ADAMTS17: variants seen among roughly 807,000 people sequenced by gnomAD.
ADAMTS17 encodes the protein ADAM metallopeptidase with thrombospondin type 1 motif 17, also known as A disintegrin and metalloproteinase with thrombospondin motifs 17.
Under a neutral mutation model 141.5 loss-of-function variants are expected in ADAMTS17, and 113 were observed. The ratio of observed to expected loss-of-function variants is 0.80; its 90% CI spans 0.69 to 0.93. The LOEUF (loss-of-function observed/expected upper bound fraction) is 0.93, where lower values mean the gene tolerates loss of function less well. Ranked by LOEUF, ADAMTS17 falls within the 40% of genes least tolerant of loss-of-function variation. ADAMTS17 has a pLI of 0.00. For missense variants in ADAMTS17, 1,659 were observed against 1,517.9 expected, an observed-to-expected ratio of 1.09 and a Z score of -1.54; for synonymous variants, 768 against 630.6, an observed-to-expected ratio of 1.22 and a Z score of -3.27.
chr15:100,137,548 G>A (rs1436793672), intron 10 of ADAMTS17, among the ~76,000 whole-genome samples: 1 of 152,154 alleles, frequency 6.6e-6, no homozygotes, highest in Non-Finnish European at 1.5e-5. Context: ...ACTGATGGAT[G>A]AACCTTCTGC....
At chr15:100,231,446 A>C (rs764367363) in intron 7 of ADAMTS17, among the ~76,000 whole-genome samples, 1 of 152,212 alleles carries the variant, frequency 6.6e-6, no homozygotes, top group Non-Finnish European at 1.5e-5. Context: ...GCCTTCCCAC[A>C]GGAACATCAG....
chr15:99,993,166 C>T lies in ADAMTS17; in HGVS notation c.2831G>A (p.Arg944Gln), dbSNP rs761468469. The T allele has an allele frequency of 6.2e-6, 10 of 1,614,094 alleles. No homozygotes were observed. Among genetic ancestry groups the T allele is most frequent in the African/African-American group, 4.0e-5 (3 of 74,950 alleles). ...TTGTGAGTTGGTGCACGCCACGGTC[C>T]GTTTCCACACCCCTTTACCACAGCT... The part of the protein sequence containing the change: ...SASCGKGVWK[R>Q]TVACTNSQGK... The change falls in exon 20 of 22, where the codon CGG becomes CAG. Residue 944 changes from arginine to glutamine, a missense_variant. Coordinates refer to ENST00000268070, the MANE Select transcript of ADAMTS17 (RefSeq NM_139057.4). This position sits in a 1 kb window ranked among gnomAD's most constrained non-coding sequence, Gnocchi z 4.3.
At chr15:100,199,568 G>A (rs2041244206) in intron 7 of ADAMTS17, 145 bp from the exon 8 acceptor site, 1 of 763,080 alleles carries the variant, frequency 1.3e-6, no homozygotes, top group South Asian at 1.4e-5. Context: ...ACCTGGGAAG[G>A]GTTTGTGTAT....
chr15:100,330,454 C>A (rs1472022869), intron 3 of ADAMTS17, among the ~76,000 whole-genome samples: 4 of 152,102 alleles, frequency 2.6e-5, no homozygotes, highest in Non-Finnish European at 5.9e-5. Context: ...GGCCCGGGGG[C>A]CACACTGTAA....
intron 8 of ADAMTS17, among the ~76,000 whole-genome samples, chr15:100,184,913 T>C (rs1020894603): frequency 2.0e-4 from 30 of 152,290 alleles, no homozygotes; most frequent in East Asian, 7.7e-4. Flanking sequence ...CCCGGCCCCA[T>C]GGCTTTTGTT....
intron 10 of ADAMTS17, among the ~76,000 whole-genome samples, chr15:100,146,041 C>A (rs570218265): frequency 6.6e-6 from 1 of 152,132 alleles, no homozygotes; most frequent in Non-Finnish European, 1.5e-5. Flanking sequence ...GGTGTGGTGG[C>A]GCATGCCTGT....
At chr15:99,976,978 C>T (rs117795582) in intron 20 of ADAMTS17, among the ~76,000 whole-genome samples, 29 of 152,082 alleles carry the variant, frequency 1.9e-4, no homozygotes, top group Non-Finnish European at 2.9e-4. Flanking sequence ...CAGGAAGGAC[C>T]GGGCCTGATG....
At chr15:100,248,945 C>T (rs1417218898) in intron 7 of ADAMTS17, among the ~76,000 whole-genome samples, 2 of 152,020 alleles carry the variant, frequency 1.3e-5, no homozygotes, top group African/African-American at 4.8e-5. Flanking sequence ...ATTACAGGTG[C>T]CCGCCACCAC....
intron 20 of ADAMTS17, among the ~76,000 whole-genome samples, chr15:99,988,709 C>T (rs1259132460): frequency 1.3e-5 from 2 of 152,116 alleles, no homozygotes; most frequent in African/African-American, 4.8e-5. Context: ...GAAGAGAGGA[C>T]GGCCAGGCAA....
intron 15 of ADAMTS17, among the ~76,000 whole-genome samples, chr15:100,073,182 T>C (rs1425073702): frequency 2.0e-5 from 3 of 152,164 alleles, no homozygotes; most frequent in African/African-American, 7.2e-5. Context: ...TCAGTGGCCA[T>C]CAGAGAAATG....
At chr15:100,136,341 G>A (rs1258212667) in intron 10 of ADAMTS17, among the ~76,000 whole-genome samples, 1 of 152,228 alleles carries the variant, frequency 6.6e-6, no homozygotes. Context: ...GGGAATGACA[G>A]CAAAGGAGAA....
At chr15:100,064,019 C>G (rs147416508) in intron 15 of ADAMTS17, among the ~76,000 whole-genome samples, 8 of 152,280 alleles carry the variant, frequency 5.3e-5, no homozygotes, top group Admixed American at 2.0e-4. Flanking sequence ...CTGGGCCCCC[C>G]CTTCAACCAG....
chr15:100,192,648 G>A (rs1030315904), intron 8 of ADAMTS17, among the ~76,000 whole-genome samples: 7 of 152,228 alleles, frequency 4.6e-5, no homozygotes, highest in Non-Finnish European at 7.3e-5. Context: ...TGGGTTGCCT[G>A]CTTGCCTAGA....
At chr15:100,205,544 T>C (rs370091593) in intron 7 of ADAMTS17, among the ~76,000 whole-genome samples, 198 of 152,246 alleles carry the variant, frequency 1.3e-3, no homozygotes, top group African/African-American at 4.5e-3. Flanking sequence ...AATGTAACGT[T>C]TGTCAAATCA....
rs77018691 is a variant in ADAMTS17, at chr15:100,125,431, C to T, written c.1721+6576G>A. ...CATAACCTTACACCAGCCGTCCTCC[C>T]GCCGTCTTAGCAGGCTAGCCGCCTT... On this transcript the variant is annotated intron_variant, in intron 12 of 21. Coordinates refer to ENST00000268070, the MANE Select transcript of ADAMTS17 (RefSeq NM_139057.4). Among the ~76,000 whole-genome samples the T allele has an allele frequency of 2.6e-4, 39 of 152,312 alleles. No individual in the cohort carries two copies. The East Asian group carries it at 5.2e-3, about 20-fold the overall frequency.
intron 3 of ADAMTS17, among the ~76,000 whole-genome samples, chr15:100,312,342 G>A (rs1209906098): frequency 1.3e-5 from 2 of 152,296 alleles, no homozygotes; most frequent in East Asian, 3.9e-4. Flanking sequence ...GAGGCCATGA[G>A]CCAAGGAATG....
rs1484027316 is a variant in ADAMTS17, at chr15:100,270,782, C to T, written c.790-8347G>A. The stretch of plus-strand genomic sequence containing the variant: ...TAACATAAAATTTTACCATTTTAAA[C>T]ATTTTTAAGCTTACAATTAAGTGAC... On this transcript the variant is annotated intron_variant, in intron 4 of 21. Transcript: ENST00000268070. Among the ~76,000 whole-genome samples, 2 of 145,852 alleles carry T rather than the reference C, an allele frequency of 1.4e-5. 1 individual carries two copies.
intron 3 of ADAMTS17, among the ~76,000 whole-genome samples, chr15:100,307,625 C>T (rs909774865): frequency 3.3e-5 from 5 of 152,336 alleles, no homozygotes; most frequent in African/African-American, 1.2e-4. Flanking sequence ...TCCCTAAATG[C>T]CCCTTCATGT....
At chr15:100,109,473 C>T (rs549161145) in intron 13 of ADAMTS17, among the ~76,000 whole-genome samples, 6 of 131,016 alleles carry the variant, frequency 4.6e-5, no homozygotes, top group South Asian at 2.4e-4. Context: ...ACTCTTATAG[C>T]GAGGGTGTGA....
Sources: gnomAD v4.1 joint callset for allele counts (sites outside exome capture counted in the v4.1 genomes callset) on GRCh38, gnomAD v4.1.1 for gene constraint, Gnocchi (gnomAD v3.1) non-coding constraint, MANE v1.5 for transcripts, NCBI Gene and HGNC (gene_info 2026-07-23, HGNC 2026-07-21) for gene names.